The following IDNK variants were observed in gnomAD, a reference collection of about 807,000 sequenced individuals.
IDNK encodes the protein gluconokinase.
In IDNK, 9 loss-of-function variants were observed where a neutral mutation model predicts 13.0. The observed-to-expected ratio is 0.69, with a 90% CI of 0.42 to 1.21. The LOEUF (loss-of-function observed/expected upper bound fraction) is 1.21. IDNK is among the 50% of genes most tolerant of loss of function. The probability of loss-of-function intolerance (pLI) is 0.00; values close to 1 mark genes in which losing one functional copy is unlikely to be tolerated. For synonymous variants in IDNK, 92 were observed against 94.9 expected (o/e 0.97, Z 0.18); for missense variants, 210 against 237.8 (o/e 0.88, Z 0.77).
At chr9:83,640,307 G>A (rs948451780) in intron 3 of IDNK, among the ~76,000 whole-genome samples, 2 of 152,148 alleles carry the variant, frequency 1.3e-5, no homozygotes, top group Admixed American at 6.5e-5. Flanking sequence ...ATTTTATAAA[G>A]CTAGTAAAGC....
At chr9:83,641,174 G>T (rs778221483) in intron 3 of IDNK, among the ~76,000 whole-genome samples, 1 of 152,156 alleles carries the variant, frequency 6.6e-6, no homozygotes, top group South Asian at 2.1e-4. Flanking sequence ...GACAGCTGAC[G>T]TAAGGGTTTA....
chr9:83,633,725 T>G (rs1359762852), intron 3 of IDNK, among the ~76,000 whole-genome samples: 1 of 152,198 alleles, frequency 6.6e-6, no homozygotes, highest in African/African-American at 2.4e-5. Context: ...ACTTTACAAA[T>G]GAACAAAGAG....
chr9:83,631,451 G>GAAA (rs57832482), intron 3 of IDNK, among the ~76,000 whole-genome samples: 1 of 56,946 alleles, frequency 1.8e-5, no homozygotes, highest in Admixed American at 2.9e-4. Flanking sequence ...TACAAAAACT[G>GAAA]AAAAAAAAAA....
intron 3 of IDNK, among the ~76,000 whole-genome samples, chr9:83,640,966 T>C (rs1831289207): frequency 6.6e-6 from 1 of 152,214 alleles, no homozygotes; most frequent in Non-Finnish European, 1.5e-5. Context: ...TGTTTTCCAA[T>C]GCATTATGGC....
intron 3 of IDNK, among the ~76,000 whole-genome samples, chr9:83,634,020 G>A (rs754344700): frequency 5.3e-5 from 8 of 152,196 alleles, no homozygotes; most frequent in Admixed American, 1.3e-4. Flanking sequence ...TGGTCATGAC[G>A]GCACTGACAT....
chr9:83,641,244 A>C (rs545547228), intron 3 of IDNK, among the ~76,000 whole-genome samples: 4 of 152,200 alleles, frequency 2.6e-5, no homozygotes, highest in Non-Finnish European at 5.9e-5. Context: ...CAGTACAATA[A>C]AAGATTTGTA....
intron 3 of IDNK, among the ~76,000 whole-genome samples, chr9:83,629,954 C>T (rs1336947675): frequency 2.0e-5 from 3 of 152,240 alleles, no homozygotes; most frequent in South Asian, 2.1e-4. Flanking sequence ...GTTACAAACT[C>T]GCTGGCATAA....
chr9:83,632,297 A>G (rs1018519646), intron 3 of IDNK, among the ~76,000 whole-genome samples: 3 of 152,108 alleles, frequency 2.0e-5, no homozygotes, highest in Non-Finnish European at 4.4e-5. Context: ...AAAGACATTT[A>G]ATTTCTCAAG....
chr9:83,630,190 A>T (rs1830973239), intron 3 of IDNK, among the ~76,000 whole-genome samples: 1 of 152,182 alleles, frequency 6.6e-6, no homozygotes, highest in African/African-American at 2.4e-5. Context: ...GAGCACCCCA[A>T]GAGTGCACTT....
At chr9:83,641,396 G>T (rs1831303325) in intron 3 of IDNK, 152 bp from the exon 4 acceptor site, 1 of 705,406 alleles carries the variant, frequency 1.4e-6, no homozygotes, top group South Asian at 2.0e-5. Flanking sequence ...CCCAGCAGCT[G>T]GCCCCTCAGC....
chr9:83,635,583 T>C (rs1006323162), intron 3 of IDNK, among the ~76,000 whole-genome samples: 4 of 152,232 alleles, frequency 2.6e-5, no homozygotes, highest in African/African-American at 9.6e-5. Context: ...AATATTAAGA[T>C]GGATCACAGT....
At chr9:83,625,447 A>G (rs1434533412) in intron 1 of IDNK, among the ~76,000 whole-genome samples, 1 of 152,236 alleles carries the variant, frequency 6.6e-6, no homozygotes, top group African/African-American at 2.4e-5. Flanking sequence ...GTGTACTTAA[A>G]GATCTAAGGT....
Position 83,628,960 on chromosome 9 carries a change from G to GT in IDNK, c.168+2dup. 1 of 1,610,932 alleles carries GT rather than the reference G, an allele frequency of 6.2e-7. No individual in the cohort carries two copies. The highest frequency in any genetic ancestry group is 1.1e-5 in the South Asian group (1 of 91,024). ...AAAAGGCATACCGCTCAATGACCAG[G>GT]TAACAATTGCTGTCTGTGTCCATCA... On this transcript the variant is annotated splice_donor_variant, in intron 3 of 4. Coordinates refer to ENST00000376419, the MANE Select transcript of IDNK (RefSeq NM_001001551.4). LOFTEE classifies it high-confidence loss of function.
intron 3 of IDNK, among the ~76,000 whole-genome samples, chr9:83,635,647 C>T (rs1028068218): frequency 6.6e-6 from 1 of 152,236 alleles, no homozygotes; most frequent in South Asian, 2.1e-4. Context: ...CCTTACACAT[C>T]GCTGCCCCTT....
At chr9:83,626,614 G>T (rs897107472) in intron 1 of IDNK, 4 of 845,214 alleles carry the variant, frequency 4.7e-6, no homozygotes, top group Non-Finnish European at 6.8e-6. Flanking sequence ...ACGGGGTTTT[G>T]CCATGTTGGC....
intron 3 of IDNK, among the ~76,000 whole-genome samples, chr9:83,640,793 C>T (rs1174462767): frequency 2.0e-5 from 3 of 152,184 alleles, no homozygotes; most frequent in Admixed American, 1.3e-4. Flanking sequence ...TGCGGTGAGC[C>T]GAGATCGTGC....
At chr9:83,634,079 C>T (rs1199767532) in intron 3 of IDNK, among the ~76,000 whole-genome samples, 10 of 152,230 alleles carry the variant, frequency 6.6e-5, no homozygotes, top group Non-Finnish European at 1.5e-4. Context: ...AATTTCTACA[C>T]TGGCGCTGCC....
At chr9:83,635,911 T>C (rs190637310) in intron 3 of IDNK, among the ~76,000 whole-genome samples, 94 of 152,262 alleles carry the variant, frequency 6.2e-4, no homozygotes, top group African/African-American at 2.2e-3. Context: ...CATGCCACAT[T>C]TTTATAGGAC....
intron 3 of IDNK, among the ~76,000 whole-genome samples, chr9:83,633,403 A>G (rs1208513547): frequency 2.6e-5 from 4 of 152,316 alleles, no homozygotes; most frequent in East Asian, 3.9e-4. Context: ...CCTTCTTAGT[A>G]TATCTCCCAC....
Sources: allele counts gnomAD v4.1 joint callset (sites outside exome capture counted in the v4.1 genomes callset), GRCh38; gene constraint gnomAD v4.1.1; transcripts MANE v1.5; gene names NCBI Gene and HGNC (gene_info 2026-07-23, HGNC 2026-07-21).